The following PALM2AKAP2 variants were observed in gnomAD, a reference collection of about 807,000 sequenced individuals.
PALM2AKAP2 encodes PALM2-AKAP2 fusion protein.
PALM2AKAP2 carries 37 observed loss-of-function variants against 71.5 expected under a neutral mutation model. The observed-to-expected ratio is 0.52, with a 90% CI of 0.40 to 0.68. PALM2AKAP2 has a LOEUF of 0.68. PALM2AKAP2 is among the 30% of genes least tolerant of loss of function. The pLI, the probability that PALM2AKAP2 is intolerant of heterozygous loss-of-function variation, is 0.00. For synonymous variants in PALM2AKAP2, 468 were observed against 478.8 expected (o/e 0.98, Z 0.29); for missense variants, 1,224 against 1,191.8 (o/e 1.03, Z -0.40).
intron 1 of PALM2AKAP2, among the ~76,000 whole-genome samples, chr9:109,825,923 A>G (rs1211501551): frequency 6.6e-6 from 1 of 152,254 alleles, no homozygotes. Flanking sequence ...ACGTATGTTT[A>G]TTGTGACACT....
chr9:109,931,261 G>T (rs1443792614), intron 5 of PALM2AKAP2, among the ~76,000 whole-genome samples: 1 of 152,168 alleles, frequency 6.6e-6, no homozygotes, highest in African/African-American at 2.4e-5. Context: ...AATCTAATGG[G>T]CTCCTTCTTT....
At chr9:110,016,181 G>A (rs12685739) in intron 7 of PALM2AKAP2, 142 bp downstream of exon 7, 123,347 of 778,304 alleles carry the variant, frequency 0.16, 10,650 homozygotes, top group East Asian at 0.3. Context: ...TCTTAGGGAG[G>A]CAACCGTACA....
intron 6 of PALM2AKAP2, among the ~76,000 whole-genome samples, chr9:109,990,067 C>CTTTT (rs35739397): frequency 7.5e-4 from 101 of 134,076 alleles, no homozygotes; most frequent in Middle Eastern, 8.1e-3. Flanking sequence ...TTCTTTCTTT[C>CTTTT]TTTTTTTTTT....
chr9:109,669,301 A>T (rs527775209), intron 1 of PALM2AKAP2, among the ~76,000 whole-genome samples: 2 of 150,898 alleles, frequency 1.3e-5, no homozygotes, highest in African/African-American at 2.4e-5. Flanking sequence ...TACATTTGTC[A>T]TATACTTTTT....
At chr9:109,895,478 A>G (rs1401817857) in intron 3 of PALM2AKAP2, among the ~76,000 whole-genome samples, 1 of 152,248 alleles carries the variant, frequency 6.6e-6, no homozygotes, top group Non-Finnish European at 1.5e-5. Context: ...TTGTCAGGCT[A>G]GAAGAGGCAG....
chr9:109,679,423 G>A (rs1827693587), intron 1 of PALM2AKAP2, among the ~76,000 whole-genome samples: 1 of 152,160 alleles, frequency 6.6e-6, no homozygotes, highest in South Asian at 2.1e-4. Flanking sequence ...CTTTCACCAG[G>A]TGGGAGTAAA....
chr9:109,666,386 T>G (rs1302756136), intron 1 of PALM2AKAP2, among the ~76,000 whole-genome samples: 1 of 152,210 alleles, frequency 6.6e-6, no homozygotes, highest in African/African-American at 2.4e-5. Flanking sequence ...TTGATGAATC[T>G]CAATTTGGAA....
At chr9:109,762,425 C>A (rs1250247971) in intron 1 of PALM2AKAP2, among the ~76,000 whole-genome samples, 1 of 152,126 alleles carries the variant, frequency 6.6e-6, no homozygotes, top group African/African-American at 2.4e-5. Context: ...GAAATTCCAT[C>A]CTAGAGTATA....
intron 1 of PALM2AKAP2, among the ~76,000 whole-genome samples, chr9:109,708,737 T>C (rs956467): frequency 0.35 from 53,493 of 152,068 alleles, 9,797 homozygotes; most frequent in African/African-American, 0.46. Context: ...CTCACTTCTA[T>C]GGGTGGCACA....
At chr9:109,960,520 T>C (rs12001278) in intron 6 of PALM2AKAP2, among the ~76,000 whole-genome samples, 20,611 of 152,184 alleles carry the variant, frequency 0.14, 1,564 homozygotes, top group South Asian at 0.26. Flanking sequence ...TATGTGCCTG[T>C]AAATCCCAGC....
chr9:110,107,587 G>A (rs557123119), intron 1 of PALM2AKAP2, among the ~76,000 whole-genome samples: 128 of 152,248 alleles, frequency 8.4e-4, no homozygotes, highest in African/African-American at 3.0e-3. Flanking sequence ...AGAGTGGGGA[G>A]ACAGTGTCTC....
chr9:110,027,000 G>T (rs912086780), intron 7 of PALM2AKAP2, among the ~76,000 whole-genome samples: 2 of 152,074 alleles, frequency 1.3e-5, no homozygotes, highest in African/African-American at 4.8e-5. Context: ...CCGAGATCGC[G>T]CCACTGCACT....
intron 2 of PALM2AKAP2, among the ~76,000 whole-genome samples, chr9:110,152,634 G>A (rs577271690): frequency 3.0e-4 from 45 of 152,234 alleles, no homozygotes; most frequent in Non-Finnish European, 4.9e-4. Context: ...CCAAACAGTG[G>A]TGCTGTCTGC....
chr9:109,779,778 A>G, upstream of PALM2AKAP2, among the ~76,000 whole-genome samples: 1 of 152,090 alleles, frequency 6.6e-6, no homozygotes, highest in East Asian at 1.9e-4. Context: ...CAAATTGTAA[A>G]TGTCCCCACG....
At chr9:109,895,852 A>T (rs1347079486) in intron 3 of PALM2AKAP2, among the ~76,000 whole-genome samples, 1 of 152,156 alleles carries the variant, frequency 6.6e-6, no homozygotes, top group East Asian at 1.9e-4. Flanking sequence ...AAGCAAACAC[A>T]TCCTTCTTTA....
In PALM2AKAP2 at chr9:109,768,413, T is replaced by C. The variant is rs58957379; in HGVS notation, c.6-12075T>C. Among the ~76,000 whole-genome samples the C allele has an allele frequency of 5.0e-3, 755 of 152,350 alleles. 7 individuals carry two copies. The highest frequency in any genetic ancestry group is 0.023 in the South Asian group (111 of 4,826). ...AATGTTTGTACATATGTATGGGATT[T>C]ATGTGATATTTTGTTACATGCATAA... On this transcript the variant is annotated intron_variant, in intron 1 of 6. Coordinates refer to the PALM2AKAP2 transcript ENST00000374531.
At chr9:110,122,413 T>C (rs1001365501) in intron 1 of PALM2AKAP2, among the ~76,000 whole-genome samples, 3 of 152,240 alleles carry the variant, frequency 2.0e-5, no homozygotes, top group Non-Finnish European at 4.4e-5. Flanking sequence ...GCGGCTTCTA[T>C]GAGCACTGCT....
At chr9:110,042,055 A>G (rs1833518257) in intron 7 of PALM2AKAP2, among the ~76,000 whole-genome samples, 2 of 152,240 alleles carry the variant, frequency 1.3e-5, no homozygotes, top group Non-Finnish European at 2.9e-5. Context: ...ATAAAACACA[A>G]CTATAAGTCA....
At chr9:109,919,485 G>GT (rs1167855788) in intron 3 of PALM2AKAP2, among the ~76,000 whole-genome samples, 6 of 152,036 alleles carry the variant, frequency 3.9e-5, no homozygotes, top group African/African-American at 9.7e-5. Flanking sequence ...ACATTTTTCT[G>GT]TTTTTTCAGT....
Sources: gnomAD v4.1 joint callset for allele counts (sites outside exome capture counted in the v4.1 genomes callset) on GRCh38, gnomAD v4.1.1 for gene constraint, MANE v1.5 for transcripts, NCBI Gene and HGNC (gene_info 2026-07-23, HGNC 2026-07-21) for gene names.